PIAS1: variants seen among roughly 807,000 people sequenced by gnomAD.
PIAS1 encodes the protein E3 SUMO-protein ligase PIAS1.
PIAS1 carries 6 observed loss-of-function variants against 71.3 expected under a neutral mutation model. The ratio of observed to expected loss-of-function variants is 0.08; its 90% CI spans 0.05 to 0.17. The LOEUF (loss-of-function observed/expected upper bound fraction) is 0.17, where lower values mean the gene tolerates loss of function less well. PIAS1 is among the 10% of genes least tolerant of loss of function. The pLI is 1.00. For synonymous variants in PIAS1, 303 were observed against 292.9 expected (o/e 1.03, Z -0.35); for missense variants, 555 against 793.6 (o/e 0.70, Z 3.61).
At chr15:68,083,307 A>T (rs1385453032) in intron 1 of PIAS1, among the ~76,000 whole-genome samples, 1 of 152,150 alleles carries the variant, frequency 6.6e-6, no homozygotes, top group Non-Finnish European at 1.5e-5. Flanking sequence ...CTGTTGAAAG[A>T]TGCTTCAGTG....
At chr15:68,181,160 C>T in intron 11 of PIAS1, 52 bp from the exon 12 acceptor site, 1 of 1,560,516 alleles carries the variant, frequency 6.4e-7, no homozygotes, top group South Asian at 1.2e-5. Flanking sequence ...TTTTGTTAAC[C>T]TTGAGAGTTT....
chr15:68,120,556 A>G (rs1416960484), intron 2 of PIAS1, among the ~76,000 whole-genome samples: 1 of 151,996 alleles, frequency 6.6e-6, no homozygotes, highest in Non-Finnish European at 1.5e-5. Context: ...TCACGACCCT[A>G]CTTCAGGTGA....
intron 2 of PIAS1, among the ~76,000 whole-genome samples, chr15:68,137,337 A>G (rs1291606398): frequency 6.6e-6 from 1 of 152,200 alleles, no homozygotes; most frequent in Non-Finnish European, 1.5e-5. Flanking sequence ...GAATACAGTA[A>G]TTAAAAATGG....
In PIAS1 at chr15:68,190,367, G is replaced by A. The variant is rs2093113492; in HGVS notation, c.*2532G>A. On this transcript the variant is annotated 3_prime_UTR_variant, in exon 14 of 14. Transcript: ENST00000249636. The surrounding 1 kb of genome is among the most constrained non-coding windows in gnomAD (Gnocchi z 4.7). ...ATTAAGTAATAGTTGTCACTCTGTT[G>A]GTCTCATGGTCAATATCAATCAGAC... 1 of 152,102 alleles carries A rather than the reference G, an allele frequency of 6.6e-6. No individual in the cohort carries two copies. Among genetic ancestry groups the A allele is most frequent in the Non-Finnish European group, 1.5e-5 (1 of 68,018 alleles). The allele number at this position is 152,102 out of a possible 1,614,324, so 9.4% of individuals were successfully genotyped here.
In PIAS1 at chr15:68,178,386, CAA is replaced by C. The variant is rs1249989398; in HGVS notation, c.1481+1734_1481+1735del. Among the ~76,000 whole-genome samples the C allele has an allele frequency of 1.3e-5, 2 of 152,158 alleles. No homozygotes were observed. Among genetic ancestry groups the C allele is most frequent in the Non-Finnish European group, 2.9e-5 (2 of 68,022 alleles). ...TTAAAAACAGTATCATCATTCTAAA[CAA>C]AGTGAATAATTTAAGCACAAATCCT... is the stretch of plus-strand genomic sequence containing the variant. On this transcript the variant is annotated intron_variant, in intron 11 of 13. Transcript: ENST00000249636. This position sits in a 1 kb window ranked among gnomAD's most constrained non-coding sequence, Gnocchi z 4.2.
intron 5 of PIAS1, among the ~76,000 whole-genome samples, chr15:68,146,232 A>C (rs1240714763): frequency 6.6e-6 from 1 of 152,144 alleles, no homozygotes; most frequent in Non-Finnish European, 1.5e-5. Flanking sequence ...GCTATGTCTT[A>C]AACAGGAGGT....
At chr15:68,146,368 C>T (rs998377093) in intron 5 of PIAS1, among the ~76,000 whole-genome samples, 198 bp from the exon 6 acceptor site, 7 of 152,098 alleles carry the variant, frequency 4.6e-5, no homozygotes, top group African/African-American at 1.7e-4. Context: ...ATAGTTTTCT[C>T]AGGTTTACTA....
At position 68,142,418 on chromosome 15, in the gene PIAS1, T is replaced by A. The variant is rs1367355325; in HGVS notation, c.602+81T>A. 25 of 1,085,492 alleles carry A rather than the reference T, an allele frequency of 2.3e-5. No homozygotes were observed. The South Asian group carries it at 3.1e-4, about 13-fold the overall frequency. The allele number at this position is 1,085,492 out of a possible 1,614,324, so 67.2% of individuals were successfully genotyped here. ...CAGTACGGGTCCAGTTAAGGTACAGTGCTGACTGTAGGATATATTCAAAGT... is the reference window on the plus strand; with the variant it reads ...CAGTACGGGTCCAGTTAAGGTACAGAGCTGACTGTAGGATATATTCAAAGT... On this transcript the variant is annotated intron_variant, in intron 4 of 13. Transcript: ENST00000249636.
At chr15:68,137,880 G>A (rs1252631454) in intron 2 of PIAS1, among the ~76,000 whole-genome samples, 1 of 152,022 alleles carries the variant, frequency 6.6e-6, no homozygotes, top group Non-Finnish European at 1.5e-5. Context: ...AGAAGATTTG[G>A]GCATGTAATC....
Position 68,178,243 on chromosome 15 carries a change from C to T in PIAS1, c.1481+1589C>T, listed in dbSNP as rs1364531516. Among the ~76,000 whole-genome samples, 2 of 152,090 alleles carry T rather than the reference C, an allele frequency of 1.3e-5. No individual in the cohort carries two copies. Among genetic ancestry groups the T allele is most frequent in the Non-Finnish European group, 2.9e-5 (2 of 67,998 alleles). Reference sequence around the variant, plus strand: ...TAAGATCGTGCCACTGCACTCCAACCTGGGTGACAGAATGAGACCCCATCT... The same window carrying T: ...TAAGATCGTGCCACTGCACTCCAACTTGGGTGACAGAATGAGACCCCATCT... On this transcript the variant is annotated intron_variant, in intron 11 of 13. Transcript: ENST00000249636. This position sits in a 1 kb window ranked among gnomAD's most constrained non-coding sequence, Gnocchi z 4.2.
At position 68,187,818 on chromosome 15, in the gene PIAS1, A is replaced by T; in HGVS notation, c.1939A>T (p.Ile647Phe). ...TASIFGIIPD[I>F]ISLD ...ATCCATCTTTGGCATCATACCAGACATTATTTCATTGGACTGATTCCCAGG... is the reference window on the plus strand; with the variant it reads ...ATCCATCTTTGGCATCATACCAGACTTTATTTCATTGGACTGATTCCCAGG... Residue 647 changes from isoleucine (I) to phenylalanine (F), a missense_variant, in exon 14 of 14, where the codon ATT becomes TTT. Physicochemically the swap from Ile to Phe is conservative, Grantham distance 21. This residue lies in a region of PIAS1 where 244 missense variants were observed against 307.5 expected (regional missense o/e 0.79). Coordinates refer to ENST00000249636, the MANE Select transcript of PIAS1 (RefSeq NM_016166.3). The surrounding 1 kb of genome is among the most constrained non-coding windows in gnomAD (Gnocchi z 5.3). 1 of 1,613,330 alleles carries T rather than the reference A, an allele frequency of 6.2e-7. No homozygotes were observed. The highest frequency in any genetic ancestry group is 8.5e-7 in the Non-Finnish European group (1 of 1,179,674).
intron 2 of PIAS1, among the ~76,000 whole-genome samples, chr15:68,129,674 T>C (rs2092675606): frequency 6.6e-6 from 1 of 152,126 alleles, no homozygotes; most frequent in South Asian, 2.1e-4. Context: ...ATTGTGTTTA[T>C]ATAGTGGATA....
chr15:68,155,488 A>G (rs1280402225), intron 7 of PIAS1, among the ~76,000 whole-genome samples: 2 of 147,394 alleles, frequency 1.4e-5, no homozygotes, highest in African/African-American at 2.5e-5. Flanking sequence ...AACTTTCCCA[A>G]CAAATTATGT....
chr15:68,108,344 A>G (rs1305460708), intron 2 of PIAS1, among the ~76,000 whole-genome samples: 1 of 152,084 alleles, frequency 6.6e-6, no homozygotes, highest in Non-Finnish European at 1.5e-5. Context: ...ATCTGTTAGT[A>G]CTTGACACAG....
chr15:68,117,756 C>T (rs74743565), intron 2 of PIAS1, among the ~76,000 whole-genome samples: 3,327 of 152,302 alleles, frequency 0.022, 121 homozygotes, highest in African/African-American at 0.075. Context: ...CCATTCGTCT[C>T]TCTGTGGACA....
chr15:68,103,050 T>C (rs1436588447), intron 2 of PIAS1, among the ~76,000 whole-genome samples: 1 of 151,924 alleles, frequency 6.6e-6, no homozygotes, highest in Non-Finnish European at 1.5e-5. Context: ...GCCTCAGCCT[T>C]CTGAGTAGCT....
chr15:68,140,136 A>C (rs1316739181), intron 2 of PIAS1, among the ~76,000 whole-genome samples: 1 of 152,124 alleles, frequency 6.6e-6, no homozygotes, highest in Non-Finnish European at 1.5e-5. Flanking sequence ...TTATTAAGTA[A>C]GAAACCTGAT....
chr15:68,150,046 A>G (rs2092834608), intron 6 of PIAS1, among the ~76,000 whole-genome samples: 1 of 152,118 alleles, frequency 6.6e-6, no homozygotes, highest in Non-Finnish European at 1.5e-5. Context: ...AATTATATCA[A>G]AATTCTTTTT....
At chr15:68,062,233 A>T (rs182757430) in intron 1 of PIAS1, among the ~76,000 whole-genome samples, 15 of 152,314 alleles carry the variant, frequency 9.8e-5, no homozygotes, top group Admixed American at 3.9e-4. Flanking sequence ...TACACTTCTC[A>T]TTGTAATGAT....
Sources: allele counts gnomAD v4.1 joint callset (sites outside exome capture counted in the v4.1 genomes callset), GRCh38; gene constraint gnomAD v4.1.1; regional missense constraint gnomAD v4.1.1; non-coding constraint Gnocchi (gnomAD v3.1); transcripts MANE v1.5; gene names NCBI Gene and HGNC (gene_info 2026-07-23, HGNC 2026-07-21).